The following PTPRK variants were observed in gnomAD, a reference collection of about 807,000 sequenced individuals.
PTPRK encodes the protein receptor-type tyrosine-protein phosphatase kappa.
PTPRK carries 75 observed loss-of-function variants against 178.0 expected under a neutral mutation model. The observed-to-expected ratio is 0.42, with a 90% CI of 0.35 to 0.51. PTPRK has a LOEUF of 0.51. PTPRK is among the 20% of genes least tolerant of loss of function. PTPRK has a pLI of 0.02. For missense variants in PTPRK, 1,441 were observed against 1,797.8 expected (o/e 0.80, Z 3.59); for synonymous variants, 637 against 620.6 (o/e 1.03, Z -0.39).
At chr6:128,424,214 T>C (rs1359296571) in intron 1 of PTPRK, among the ~76,000 whole-genome samples, 5 of 152,070 alleles carry the variant, frequency 3.3e-5, no homozygotes, top group African/African-American at 1.2e-4. Context: ...GACTGGGTGA[T>C]AGAGTGAGAC....
chr6:128,161,190 T>C (rs1302037596), intron 7 of PTPRK, among the ~76,000 whole-genome samples: 1 of 151,776 alleles, frequency 6.6e-6, no homozygotes, highest in Non-Finnish European at 1.5e-5. Flanking sequence ...CATGTGAATT[T>C]AGTCAAAAAT....
At chr6:128,214,068 A>G (rs1808760779) in intron 6 of PTPRK, among the ~76,000 whole-genome samples, 1 of 152,144 alleles carries the variant, frequency 6.6e-6, no homozygotes, top group South Asian at 2.1e-4. Flanking sequence ...TGATTTTGAG[A>G]AAAGTACTGA....
At chr6:128,483,770 T>A (rs527669015) in intron 1 of PTPRK, among the ~76,000 whole-genome samples, 1 of 152,308 alleles carries the variant, frequency 6.6e-6, no homozygotes, top group East Asian at 1.9e-4. Context: ...TGCCTGCAAC[T>A]AGTTTAGAAT....
At chr6:128,368,132 A>G (rs2128346742) in intron 2 of PTPRK, among the ~76,000 whole-genome samples, 1 of 152,210 alleles carries the variant, frequency 6.6e-6, no homozygotes, top group South Asian at 2.1e-4. Flanking sequence ...ACAGGTCCCA[A>G]TTTCACTGAA....
At chr6:128,032,840 C>T (rs139150906) in intron 13 of PTPRK, among the ~76,000 whole-genome samples, 3,062 of 152,184 alleles carry the variant, frequency 0.02, 49 homozygotes, top group African/African-American at 0.045. Context: ...TATGTCACTG[C>T]GGGAATATCA....
At chr6:128,187,197 C>T (rs919476525) in intron 6 of PTPRK, among the ~76,000 whole-genome samples, 1 of 151,442 alleles carries the variant, frequency 6.6e-6, no homozygotes, top group African/African-American at 2.4e-5. Context: ...AAGGAGAAAA[C>T]CTAAGAGGAG....
chr6:128,046,110 T>C (rs1777995082), intron 13 of PTPRK, among the ~76,000 whole-genome samples: 1 of 152,162 alleles, frequency 6.6e-6, no homozygotes, highest in South Asian at 2.1e-4. Context: ...AACATTGATT[T>C]TTCATTAAAA....
intron 1 of PTPRK, among the ~76,000 whole-genome samples, chr6:128,458,646 T>G (rs1049385976): frequency 4.6e-5 from 7 of 152,232 alleles, no homozygotes. Context: ...GGTGTATTAA[T>G]TTGATTGTAG....
intron 1 of PTPRK, among the ~76,000 whole-genome samples, chr6:128,425,296 C>G (rs572625427): frequency 1.8e-4 from 27 of 152,086 alleles, no homozygotes; most frequent in African/African-American, 6.5e-4. Context: ...CCAGGATGGT[C>G]TCGATCTCCT....
At chr6:128,152,675 G>T (rs1015017023) in intron 7 of PTPRK, among the ~76,000 whole-genome samples, 11 of 151,874 alleles carry the variant, frequency 7.2e-5, no homozygotes, top group African/African-American at 2.4e-4. Context: ...AAGGAAATGG[G>T]TTATCCATTT....
intron 1 of PTPRK, among the ~76,000 whole-genome samples, chr6:128,414,892 T>A (rs895185457): frequency 6.6e-6 from 1 of 152,184 alleles, no homozygotes; most frequent in African/African-American, 2.4e-5. Flanking sequence ...CTATAAACAT[T>A]CAATTTCATT....
At chr6:128,104,646 C>G (rs1789381654) in intron 7 of PTPRK, among the ~76,000 whole-genome samples, 1 of 152,252 alleles carries the variant, frequency 6.6e-6, no homozygotes, top group African/African-American at 2.4e-5. Context: ...CAGTAAGTTC[C>G]TGGCATATAA....
chr6:128,484,866 A>G (rs1027155061), intron 1 of PTPRK, among the ~76,000 whole-genome samples: 2 of 152,150 alleles, frequency 1.3e-5, no homozygotes, highest in African/African-American at 2.4e-5. Flanking sequence ...CTTTCAGAAA[A>G]TGCAAATCAA....
At chr6:128,411,042 C>T (rs180974234) in intron 1 of PTPRK, among the ~76,000 whole-genome samples, 119 of 152,254 alleles carry the variant, frequency 7.8e-4, no homozygotes, top group African/African-American at 2.8e-3. Flanking sequence ...TAGGTGCATG[C>T]CACGACGCCT....
At chr6:128,067,353 C>G (rs1238618752) in intron 12 of PTPRK, 166 bp downstream of exon 12, 1 of 617,836 alleles carries the variant, frequency 1.6e-6, no homozygotes, top group Non-Finnish European at 2.4e-6. Context: ...GCGGCCTCAG[C>G]CCTACTGTAG....
chr6:128,152,178 C>T (rs939950594), intron 7 of PTPRK, among the ~76,000 whole-genome samples: 1 of 151,886 alleles, frequency 6.6e-6, no homozygotes, highest in African/African-American at 2.4e-5. Context: ...CATTAAATGC[C>T]GTTGATTTTT....
intron 2 of PTPRK, 92 bp downstream of exon 2, chr6:128,397,474 C>G: frequency 6.8e-7 from 1 of 1,466,596 alleles, no homozygotes; most frequent in Non-Finnish European, 9.4e-7. Flanking sequence ...CTTATTATAA[C>G]CATTAAATTA....
intron 2 of PTPRK, among the ~76,000 whole-genome samples, chr6:128,322,770 C>T (rs1011357904): frequency 6.6e-6 from 1 of 151,536 alleles, no homozygotes; most frequent in African/African-American, 2.4e-5. Flanking sequence ...AATATTATTG[C>T]AGGGAGATGT....
intron 8 of PTPRK, among the ~76,000 whole-genome samples, chr6:128,086,975 T>C (rs1451205872): frequency 6.6e-6 from 1 of 152,072 alleles, no homozygotes; most frequent in African/African-American, 2.4e-5. Flanking sequence ...ATTTAAAATA[T>C]TTCAAAAAAT....
Sources: allele counts gnomAD v4.1 joint callset (sites outside exome capture counted in the v4.1 genomes callset), GRCh38; gene constraint gnomAD v4.1.1; transcripts MANE v1.5; gene names NCBI Gene and HGNC (gene_info 2026-07-23, HGNC 2026-07-21).